Variants in NLGN1 observed in about 807,000 individuals in gnomAD.
The protein encoded by NLGN1 is neuroligin-1.
NLGN1 carries 12 observed loss-of-function variants against 65.5 expected under a neutral mutation model. The ratio of observed to expected loss-of-function variants is 0.18; its 90% CI spans 0.12 to 0.30. The LOEUF is 0.30. NLGN1 is among the 10% of genes least tolerant of loss of function. The probability of loss-of-function intolerance (pLI) is 1.00; values close to 1 mark genes in which losing one functional copy is unlikely to be tolerated. For missense variants in NLGN1, 750 were observed against 1,007.1 expected (o/e 0.74, Z 3.46); for synonymous variants, 350 against 359.5 (o/e 0.97, Z 0.30).
intron 3 of NLGN1, among the ~76,000 whole-genome samples, chr3:173,779,811 C>T (rs1366689350): frequency 6.6e-6 from 1 of 152,016 alleles, no homozygotes; most frequent in African/African-American, 2.4e-5. Flanking sequence ...GGGTAACAGG[C>T]CTTAAAGATG....
intron 2 of NLGN1, among the ~76,000 whole-genome samples, chr3:173,578,097 G>A (rs113910797): frequency 1.3e-5 from 2 of 152,024 alleles, no homozygotes; most frequent in African/African-American, 4.8e-5. Context: ...TTAGCTGGGC[G>A]TGGTGGCAGG....
At chr3:173,640,468 CAGAT>C (rs1757229906) in intron 3 of NLGN1, among the ~76,000 whole-genome samples, 1 of 152,086 alleles carries the variant, frequency 6.6e-6, no homozygotes, top group Non-Finnish European at 1.5e-5. Context: ...TTTAAACTAA[CAGAT>C]AGCAGGACAC....
chr3:174,279,742 T>C lies in NLGN1; in HGVS notation c.1649+92T>C. The C allele has an allele frequency of 2.7e-6, 2 of 734,724 alleles. No homozygotes were observed. Among genetic ancestry groups the C allele is most frequent in the Non-Finnish European group, 4.5e-6 (2 of 447,410 alleles). The allele number at this position is 734,724 out of a possible 1,614,324, so 45.5% of individuals were successfully genotyped here. A position where few individuals can be genotyped will look rare whatever the true frequency, so the allele number is the denominator to read the frequency against. ...ATATTTATGCCCAGATAATGTCATA[T>C]TGGATTAATACCTGCAAGATATTAC... On this transcript the variant is annotated intron_variant, in intron 6 of 6. Coordinates refer to ENST00000457714, the Ensembl canonical transcript of NLGN1. This position sits in a 1 kb window ranked among gnomAD's most constrained non-coding sequence, Gnocchi z 4.7.
At chr3:173,758,608 C>A (rs1387534926) in intron 3 of NLGN1, among the ~76,000 whole-genome samples, 1 of 151,978 alleles carries the variant, frequency 6.6e-6, no homozygotes, top group Non-Finnish European at 1.5e-5. Context: ...CCAAATGAAT[C>A]TTTCCAGACA....
chr3:174,167,275 G>C (rs1727671466), intron 4 of NLGN1, among the ~76,000 whole-genome samples: 1 of 151,754 alleles, frequency 6.6e-6, no homozygotes. Flanking sequence ...TTCTATTTTT[G>C]CTTTAAAGGG....
At chr3:173,420,175 A>G (rs1193418252) in intron 1 of NLGN1, among the ~76,000 whole-genome samples, 1 of 151,640 alleles carries the variant, frequency 6.6e-6, no homozygotes, top group African/African-American at 2.4e-5. Flanking sequence ...TGCTGCACCC[A>G]TTAACTTGTC....
At chr3:174,188,740 A>T (rs1005722215) in intron 4 of NLGN1, among the ~76,000 whole-genome samples, 1 of 151,948 alleles carries the variant, frequency 6.6e-6, no homozygotes, top group Admixed American at 6.6e-5. Context: ...TTATCCTCAA[A>T]ATAACACTAG....
At chr3:174,139,733 T>C (rs1343998975) in intron 4 of NLGN1, among the ~76,000 whole-genome samples, 2 of 152,160 alleles carry the variant, frequency 1.3e-5, no homozygotes, top group Non-Finnish European at 2.9e-5. Context: ...CCACCAGCAA[T>C]AAAAGAGGGT....
At chr3:173,458,089 A>G (rs1050089726) in intron 2 of NLGN1, among the ~76,000 whole-genome samples, 14 of 152,032 alleles carry the variant, frequency 9.2e-5, no homozygotes, top group Non-Finnish European at 1.9e-4. Context: ...ATTTAAAACT[A>G]TGGAAAGTAG....
intron 2 of NLGN1, among the ~76,000 whole-genome samples, chr3:173,439,532 C>CAAAA (rs200232920): frequency 2.4e-5 from 3 of 122,898 alleles, no homozygotes; most frequent in Non-Finnish European, 1.8e-5. Flanking sequence ...CATTCACCTG[C>CAAAA]AAAAAAAAAA....
intron 4 of NLGN1, among the ~76,000 whole-genome samples, chr3:174,106,802 T>A (rs1314787943): frequency 6.6e-6 from 1 of 151,968 alleles, no homozygotes; most frequent in African/African-American, 2.4e-5. Flanking sequence ...AACCAAGAGC[T>A]GTGATGTCTG....
chr3:174,212,316 AGCGCCGTGCGCAGCCCGGGTTCCCGCCC>A (rs1736823752), intron 4 of NLGN1, among the ~76,000 whole-genome samples: 2 of 152,200 alleles, frequency 1.3e-5, no homozygotes, highest in South Asian at 4.1e-4. Context: ...CTGGCCCGCA[AGCGCCGTGCGCAGCCCGGGTTCCCGCCC>A]GCGCCTCTCC....
intron 3 of NLGN1, among the ~76,000 whole-genome samples, chr3:173,625,310 T>G (rs1482355320): frequency 6.6e-6 from 1 of 151,988 alleles, no homozygotes; most frequent in Admixed American, 6.6e-5. Flanking sequence ...GTGTAAGTAT[T>G]TTATGATTGT....
At chr3:173,556,207 G>GT (rs1171743318) in intron 2 of NLGN1, among the ~76,000 whole-genome samples, 1 of 151,974 alleles carries the variant, frequency 6.6e-6, no homozygotes, top group East Asian at 1.9e-4. Context: ...TCTTCCTAAT[G>GT]TTTTTTGATG....
intron 2 of NLGN1, among the ~76,000 whole-genome samples, chr3:173,440,406 G>A (rs904711679): frequency 1.3e-5 from 2 of 152,058 alleles, no homozygotes; most frequent in African/African-American, 4.8e-5. Flanking sequence ...TTGGAAGAAG[G>A]TTTTCCATTT....
chr3:174,089,894 GC>G (rs1357916696), intron 4 of NLGN1, among the ~76,000 whole-genome samples: 20 of 125,338 alleles, frequency 1.6e-4, no homozygotes, highest in African/African-American at 4.9e-4. Flanking sequence ...GCATAAACAG[GC>G]TTTTTTTTTT....
chr3:173,725,940 T>C (rs1024488086), intron 3 of NLGN1, among the ~76,000 whole-genome samples: 2 of 152,108 alleles, frequency 1.3e-5, no homozygotes, highest in African/African-American at 4.8e-5. Context: ...CTATAGGCAG[T>C]TCAGTGCATG....
chr3:173,481,676 T>C (rs2148968955), intron 2 of NLGN1, among the ~76,000 whole-genome samples: 1 of 152,020 alleles, frequency 6.6e-6, no homozygotes, highest in Middle Eastern at 3.4e-3. Flanking sequence ...GTTAGGCATT[T>C]TGAACATTTT....
chr3:173,451,216 C>G (rs753758520), intron 2 of NLGN1, among the ~76,000 whole-genome samples: 9 of 152,084 alleles, frequency 5.9e-5, no homozygotes, highest in South Asian at 2.1e-4. Context: ...CTTTGATGAT[C>G]GTGACGTACA....
Sources: allele counts gnomAD v4.1 joint callset (sites outside exome capture counted in the v4.1 genomes callset), GRCh38; gene constraint gnomAD v4.1.1; non-coding constraint Gnocchi (gnomAD v3.1); transcripts MANE v1.5; gene names NCBI Gene and HGNC (gene_info 2026-07-23, HGNC 2026-07-21).